ZNF454: variants seen among roughly 807,000 people sequenced by gnomAD.
The protein encoded by ZNF454 is zinc finger protein 454.
In ZNF454, 30 loss-of-function variants were observed where a neutral mutation model predicts 48.2. The observed-to-expected ratio is 0.62, with a 90% CI of 0.47 to 0.84. The LOEUF (loss-of-function observed/expected upper bound fraction) is 0.84, where lower values mean the gene tolerates loss of function less well. ZNF454 is among the 40% of genes least tolerant of loss of function. The pLI is 0.00. For missense variants in ZNF454, 510 were observed against 623.1 expected (o/e 0.82, Z 1.93); for synonymous variants, 204 against 211.4 (o/e 0.97, Z 0.30).
intron 4 of ZNF454, among the ~76,000 whole-genome samples, chr5:178,964,143 C>T (rs1369477730): frequency 3.7e-4 from 56 of 149,516 alleles, no homozygotes; most frequent in African/African-American, 9.3e-4. Flanking sequence ...TTTTTTGAGA[C>T]GGAGTCTCAC....
At chr5:178,985,034 C>A in the ZNF454 span, among the ~76,000 whole-genome samples, 2 of 152,116 alleles carry the variant, frequency 1.3e-5, no homozygotes, top group Non-Finnish European at 2.9e-5. Context: ...GAAAATCCCC[C>A]AAAGGAGCTC....
chr5:178,989,126 C>G, the ZNF454 span: 1 of 1,613,886 alleles, frequency 6.2e-7, no homozygotes. Context: ...CCGGCCGATG[C>G]GTTCCTCGCC....
chr5:178,963,680 G>T (rs1371240443), intron 4 of ZNF454, among the ~76,000 whole-genome samples: 1 of 151,670 alleles, frequency 6.6e-6, no homozygotes, highest in Non-Finnish European at 1.5e-5. Context: ...AGATAACTTT[G>T]CCACAAAATA....
At chr5:178,966,908 T>C (rs577693338), downstream of ZNF454, among the ~76,000 whole-genome samples, 3 of 152,352 alleles carry the variant, frequency 2.0e-5, no homozygotes, top group South Asian at 6.2e-4. Context: ...GACCCTCTTC[T>C]GACTTAGCAA....
chr5:178,943,186 G>A (rs1463799586), intron 2 of ZNF454, among the ~76,000 whole-genome samples: 1 of 152,192 alleles, frequency 6.6e-6, no homozygotes, highest in Non-Finnish European at 1.5e-5. Flanking sequence ...CTGGGGAATT[G>A]ATAAGAAGTT....
At chr5:178,986,429 G>A in the ZNF454 span, 250 of 1,613,412 alleles carry the variant, frequency 1.5e-4, no homozygotes, top group East Asian at 1.1e-3. Flanking sequence ...TTGTTGTACC[G>A]CACGAAGGTG....
At chr5:178,986,410 A>G in the ZNF454 span, 4 of 1,613,768 alleles carry the variant, frequency 2.5e-6, no homozygotes, top group Non-Finnish European at 2.5e-6. Flanking sequence ...GGCCCGGACG[A>G]TGGGCGTGTT....
chr5:178,962,656 G>A (rs116474280), intron 4 of ZNF454, among the ~76,000 whole-genome samples: 3,582 of 151,678 alleles, frequency 0.024, 136 homozygotes, highest in African/African-American at 0.08. Flanking sequence ...TAAGGTTCAC[G>A]TCTGATAACT....
At chr5:178,981,745 T>C in the ZNF454 span, 1 of 1,613,894 alleles carries the variant, frequency 6.2e-7, no homozygotes, top group South Asian at 1.1e-5. The surrounding 1 kb of genome is among the most constrained non-coding windows in gnomAD (Gnocchi z 5.1). Context: ...CTGCACATTC[T>C]GCTCTGGATG....
chr5:178,959,851 C>T lies in ZNF454; in HGVS notation c.251-4804C>T, dbSNP rs574204528. On this transcript the variant is annotated intron_variant, in intron 4 of 4. Transcript: ENST00000519564. ...CGATCTCCTGACCTCGTGATCCACC[C>T]GCCTCGGCCTCCCAAAGTGCTGGGA... 5.4e-4 allele frequency among the ~76,000 whole-genome samples: 82 copies of T among 151,908 alleles called. 1 individual carries two copies. In the South Asian group the frequency reaches 0.014, roughly 26 times the overall value.
intron 4 of ZNF454, among the ~76,000 whole-genome samples, chr5:178,957,555 G>A (rs1309121126): frequency 3.3e-5 from 5 of 151,894 alleles, no homozygotes; most frequent in Non-Finnish European, 7.4e-5. Flanking sequence ...GACTACAGTC[G>A]CCTGCCACCA....
At chr5:178,958,583 C>T (rs185833050) in intron 4 of ZNF454, among the ~76,000 whole-genome samples, 74 of 152,332 alleles carry the variant, frequency 4.9e-4, no homozygotes, top group African/African-American at 1.7e-3. Flanking sequence ...AACATAGGTA[C>T]ACATTTTCCT....
the ZNF454 span, chr5:178,981,782 C>G: frequency 6.2e-7 from 1 of 1,612,850 alleles, no homozygotes; most frequent in Non-Finnish European, 8.5e-7. The surrounding 1 kb of genome is among the most constrained non-coding windows in gnomAD (Gnocchi z 5.1). Context: ...GTTTTGGGTA[C>G]GTAGAGCATG....
At chr5:178,943,604 T>G (rs1408088840) in intron 2 of ZNF454, among the ~76,000 whole-genome samples, 2 of 152,080 alleles carry the variant, frequency 1.3e-5, no homozygotes, top group African/African-American at 4.8e-5. Flanking sequence ...TCTGGGGAGG[T>G]GTGATTTACT....
At chr5:178,952,393 A>G (rs937493873) in intron 4 of ZNF454, among the ~76,000 whole-genome samples, 1 of 152,040 alleles carries the variant, frequency 6.6e-6, no homozygotes, top group African/African-American at 2.4e-5. Flanking sequence ...ACACATTCCT[A>G]TTCTTTGCCC....
chr5:178,963,567 C>T (rs373207965), intron 4 of ZNF454, among the ~76,000 whole-genome samples: 8 of 151,682 alleles, frequency 5.3e-5, no homozygotes, highest in East Asian at 4.0e-4. Context: ...AATTCTGCAT[C>T]GTCTGTGTTT....
chr5:178,971,861 AAG>A, the ZNF454 span, among the ~76,000 whole-genome samples: 167 of 127,784 alleles, frequency 1.3e-3, no homozygotes, highest in African/African-American at 3.8e-3. Context: ...AAAAAAAAAA[AAG>A]AAGAAGAACT....
chr5:178,986,312 C>T, the ZNF454 span: 41 of 1,613,864 alleles, frequency 2.5e-5, no homozygotes, highest in South Asian at 1.8e-4. Context: ...GCACAGACCG[C>T]GGCCCCAGGC....
At chr5:178,955,597 G>C (rs1291858137) in intron 4 of ZNF454, among the ~76,000 whole-genome samples, 1 of 152,126 alleles carries the variant, frequency 6.6e-6, no homozygotes, top group African/African-American at 2.4e-5. Context: ...TTGTTAAAGA[G>C]TTTGCATTGA....
Sources: allele counts gnomAD v4.1 joint callset (sites outside exome capture counted in the v4.1 genomes callset), GRCh38; gene constraint gnomAD v4.1.1; non-coding constraint Gnocchi (gnomAD v3.1); transcripts MANE v1.5; gene names NCBI Gene and HGNC (gene_info 2026-07-23, HGNC 2026-07-21).